Variants in MYT1L observed in about 807,000 individuals in gnomAD.
MYT1L encodes the protein myelin transcription factor 1-like protein.
Under a neutral mutation model 126.7 loss-of-function variants are expected in MYT1L, and 12 were observed. The observed-to-expected ratio is 0.09, with a 90% CI of 0.06 to 0.15. MYT1L has a LOEUF of 0.15. Ranked by LOEUF, MYT1L falls within the 10% of genes least tolerant of loss-of-function variation. The probability of loss-of-function intolerance (pLI) is 1.00; values close to 1 mark genes in which losing one functional copy is unlikely to be tolerated. For synonymous variants in MYT1L, 541 were observed against 604.2 expected (o/e 0.90, Z 1.53); for missense variants, 979 against 1,585.2 (o/e 0.62, Z 6.49).
At chr2:1,814,557 G>A (rs1369736730) in intron 21 of MYT1L, among the ~76,000 whole-genome samples, 3 of 152,226 alleles carry the variant, frequency 2.0e-5, no homozygotes, top group Admixed American at 2.0e-4. Flanking sequence ...AATGGAAACA[G>A]ACTGACATCA....
chr2:1,896,012 T>TTAAA (rs2049517019), intron 14 of MYT1L, among the ~76,000 whole-genome samples: 3 of 152,084 alleles, frequency 2.0e-5, no homozygotes, highest in Admixed American at 2.0e-4. Flanking sequence ...AATAACCCCA[T>TTAAA]TAAAAATGGG....
chr2:2,218,622 T>G (rs569026319), intron 2 of MYT1L, among the ~76,000 whole-genome samples: 1 of 152,096 alleles, frequency 6.6e-6, no homozygotes, highest in African/African-American at 2.4e-5. Context: ...GGCATGAAGT[T>G]TACCACTTGA....
At chr2:1,792,561 G>A in intron 23 of MYT1L, 97 bp from the exon 24 acceptor site, 1 of 1,314,160 alleles carries the variant, frequency 7.6e-7, no homozygotes, top group Non-Finnish European at 1.0e-6. Flanking sequence ...CGAAGAAGGG[G>A]CCTCTCGCTG....
At position 1,822,573 on chromosome 2, in the gene MYT1L, GA is replaced by G. The variant is rs528415578; in HGVS notation, c.3081-13407del. 2.7e-3 allele frequency among the ~76,000 whole-genome samples: 406 copies of G among 152,324 alleles called. 6 individuals carry two copies. The highest frequency in any genetic ancestry group is 1.8e-3 in the Non-Finnish European group (124 of 68,028). On this transcript the variant is annotated intron_variant, in intron 21 of 24. Transcript: ENST00000647738. ...CTGGGACCACATGGATCTGAGGGTG[GA>G]GGCAGAAGTGTGGCCTACAGCCTGT...
At chr2:2,243,642 TG>T (rs1176377215) in intron 2 of MYT1L, among the ~76,000 whole-genome samples, 1 of 152,162 alleles carries the variant, frequency 6.6e-6, no homozygotes, top group Admixed American at 6.5e-5. Flanking sequence ...GGAAGCCACA[TG>T]TTGCACTCAA....
intron 21 of MYT1L, among the ~76,000 whole-genome samples, chr2:1,822,536 C>A (rs902949960): frequency 6.6e-6 from 1 of 152,290 alleles, no homozygotes; most frequent in South Asian, 2.1e-4. Context: ...CACAGGATGG[C>A]GAGGGCTGGC....
intron 2 of MYT1L, among the ~76,000 whole-genome samples, chr2:2,204,967 A>G (rs984986446): frequency 5.3e-5 from 8 of 151,872 alleles, no homozygotes; most frequent in Non-Finnish European, 5.9e-5. Flanking sequence ...TTGTAGGGAC[A>G]TGGATGAAGC....
At chr2:1,825,001 CAGAGAAG>C (rs2039101309) in intron 21 of MYT1L, 6 of 152,456 alleles carry the variant, frequency 3.9e-5, no homozygotes, top group Admixed American at 2.6e-4. Context: ...AGGGAGGAGA[CAGAGAAG>C]GGAGAGGACA....
chr2:1,972,289 C>T, intron 8 of MYT1L, among the ~76,000 whole-genome samples: 1 of 152,092 alleles, frequency 6.6e-6, no homozygotes, highest in East Asian at 1.9e-4. Context: ...CATGCAGGGC[C>T]TTACTAATTA....
intron 3 of MYT1L, among the ~76,000 whole-genome samples, chr2:2,132,327 C>A (rs965599492): frequency 2.6e-5 from 4 of 152,092 alleles, no homozygotes; most frequent in African/African-American, 9.7e-5. Context: ...TGGAACCAAC[C>A]TGGATGTTCA....
chr2:1,804,675 C>T (rs532127426), intron 22 of MYT1L, among the ~76,000 whole-genome samples: 2 of 152,308 alleles, frequency 1.3e-5, no homozygotes, highest in South Asian at 4.1e-4. Context: ...CCATGGTGAA[C>T]CCAGCCAGCG....
At chr2:1,879,647 T>C (rs1316560047) in intron 18 of MYT1L, among the ~76,000 whole-genome samples, 1 of 152,114 alleles carries the variant, frequency 6.6e-6, no homozygotes, top group Non-Finnish European at 1.5e-5. Flanking sequence ...ATATTTATAG[T>C]TTAGTAATAT....
intron 8 of MYT1L, among the ~76,000 whole-genome samples, chr2:1,973,404 A>G (rs1459952823): frequency 6.6e-6 from 1 of 152,216 alleles, no homozygotes; most frequent in African/African-American, 2.4e-5. Flanking sequence ...TTTCGTTTCT[A>G]TAGATTCCAT....
chr2:2,239,854 C>T (rs2094402357), intron 2 of MYT1L, among the ~76,000 whole-genome samples: 1 of 151,490 alleles, frequency 6.6e-6, no homozygotes, highest in Non-Finnish European at 1.5e-5. Context: ...CAGAGAGCTG[C>T]TGTGGGGAGC....
intron 2 of MYT1L, among the ~76,000 whole-genome samples, chr2:2,272,123 C>T (rs953878919): frequency 2.0e-5 from 3 of 152,110 alleles, no homozygotes; most frequent in Non-Finnish European, 4.4e-5. Context: ...ACCCTTATTG[C>T]CCAGCTCTCT....
chr2:2,294,273 G>A (rs2095640777), intron 1 of MYT1L, among the ~76,000 whole-genome samples: 1 of 152,152 alleles, frequency 6.6e-6, no homozygotes, highest in South Asian at 2.1e-4. Context: ...GCCCTGTGGT[G>A]AGGGGAGCCC....
At chr2:2,189,165 T>C (rs73913243) in intron 2 of MYT1L, among the ~76,000 whole-genome samples, 1,564 of 152,310 alleles carry the variant, frequency 0.01, 23 homozygotes, top group African/African-American at 0.031. Flanking sequence ...CTGATTGCGT[T>C]TGGGGCTTCC....
At chr2:1,918,591 A>G (rs1461545282) in intron 10 of MYT1L, among the ~76,000 whole-genome samples, 2 of 152,248 alleles carry the variant, frequency 1.3e-5, no homozygotes, top group Non-Finnish European at 2.9e-5. Context: ...AACTTCAAAT[A>G]GACAAAGGAC....
intron 2 of MYT1L, among the ~76,000 whole-genome samples, chr2:2,217,367 C>G (rs2093705692): frequency 6.6e-6 from 1 of 152,094 alleles, no homozygotes; most frequent in Non-Finnish European, 1.5e-5. Context: ...ACCAATGTAA[C>G]TTGTGACAAA....
Sources: allele counts gnomAD v4.1 joint callset (sites outside exome capture counted in the v4.1 genomes callset), GRCh38; gene constraint gnomAD v4.1.1; transcripts MANE v1.5; gene names NCBI Gene and HGNC (gene_info 2026-07-23, HGNC 2026-07-21).